The following EFCAB11 variants were observed in gnomAD, a reference collection of about 807,000 sequenced individuals.
The protein encoded by EFCAB11 is EF-hand calcium-binding domain-containing protein 11.
Under a neutral mutation model 23.0 loss-of-function variants are expected in EFCAB11, and 14 were observed. The observed-to-expected ratio is 0.61, with a 90% CI of 0.40 to 0.95. The LOEUF (loss-of-function observed/expected upper bound fraction) is 0.95. EFCAB11 is among the 40% of genes least tolerant of loss of function. The pLI is 0.00. For missense variants in EFCAB11, 198 were observed against 195.8 expected (o/e 1.01, Z -0.07); for synonymous variants, 65 against 66.6 (o/e 0.98, Z 0.11).
At chr14:89,873,254 C>T (rs1888338251) in intron 5 of EFCAB11, among the ~76,000 whole-genome samples, 1 of 152,096 alleles carries the variant, frequency 6.6e-6, no homozygotes, top group African/African-American at 2.4e-5. Flanking sequence ...CATCAGATCT[C>T]GTGAGGCTTA....
intron 5 of EFCAB11, among the ~76,000 whole-genome samples, chr14:89,817,721 C>T (rs1258786048): frequency 1.3e-5 from 2 of 152,072 alleles, no homozygotes; most frequent in Admixed American, 6.6e-5. Flanking sequence ...AGGCCAGGCG[C>T]GGTGGCTCAC....
intron 5 of EFCAB11, among the ~76,000 whole-genome samples, chr14:89,927,700 G>T (rs10148808): frequency 3.3e-5 from 5 of 151,466 alleles, no homozygotes; most frequent in African/African-American, 1.2e-4. Flanking sequence ...TTTCCAGTTC[G>T]CAACTTCCTT....
At position 89,875,706 on chromosome 14, in the gene EFCAB11, T is replaced by C. The variant is rs186159011; in HGVS notation, c.410+55835A>G. Among the ~76,000 whole-genome samples, 9 of 152,212 alleles carry C rather than the reference T, an allele frequency of 5.9e-5. 1 individual carries two copies. The South Asian group carries it at 6.2e-4, about 11-fold the overall frequency. On this transcript the variant is annotated intron_variant, in intron 5 of 5. Coordinates refer to ENST00000316738, the MANE Select transcript of EFCAB11 (RefSeq NM_145231.4). ...GTGGAGTTTGAGGGGTCATTGAGGA[T>C]ACCCAGAGAAAGACGTTCAGTAGGA...
intron 5 of EFCAB11, among the ~76,000 whole-genome samples, chr14:89,825,190 A>T (rs922610515): frequency 6.6e-6 from 1 of 152,204 alleles, no homozygotes; most frequent in African/African-American, 2.4e-5. Flanking sequence ...TAACCAAAAA[A>T]TTGGGAGAAC....
chr14:89,950,721 T>C (rs372561177), intron 2 of EFCAB11, among the ~76,000 whole-genome samples: 2 of 152,282 alleles, frequency 1.3e-5, no homozygotes, highest in East Asian at 3.9e-4. Context: ...TGTTAAAATA[T>C]AAGCCCTTTA....
chr14:89,895,042 A>C (rs533144707), intron 5 of EFCAB11, among the ~76,000 whole-genome samples: 1 of 152,256 alleles, frequency 6.6e-6, no homozygotes, highest in Non-Finnish European at 1.5e-5. Context: ...GAGTTGATTA[A>C]CCTCTCTGTG....
At chr14:89,922,239 G>A (rs1321159960) in intron 5 of EFCAB11, among the ~76,000 whole-genome samples, 1 of 152,192 alleles carries the variant, frequency 6.6e-6, no homozygotes, top group Non-Finnish European at 1.5e-5. Flanking sequence ...CTAAACCCAG[G>A]GTTGGGTAGC....
At chr14:89,810,334 A>G (rs1175062670) in intron 5 of EFCAB11, among the ~76,000 whole-genome samples, 1 of 152,216 alleles carries the variant, frequency 6.6e-6, no homozygotes, top group East Asian at 1.9e-4. Context: ...GAACATTTGG[A>G]TCCTGCTATT....
intron 5 of EFCAB11, among the ~76,000 whole-genome samples, chr14:89,920,434 G>A (rs778212435): frequency 5.9e-5 from 9 of 152,202 alleles, no homozygotes; most frequent in Non-Finnish European, 1.2e-4. Context: ...GTTAAAAGAA[G>A]TGAGAAAGGA....
intron 5 of EFCAB11, among the ~76,000 whole-genome samples, chr14:89,924,839 C>G (rs1890138686): frequency 6.6e-6 from 1 of 152,138 alleles, no homozygotes; most frequent in African/African-American, 2.4e-5. Context: ...ACGAAGAAAA[C>G]AGAATTTTAC....
chr14:89,856,319 A>C (rs1248989365), intron 5 of EFCAB11, among the ~76,000 whole-genome samples: 1 of 151,802 alleles, frequency 6.6e-6, no homozygotes, highest in Non-Finnish European at 1.5e-5. Context: ...CCCCCAAATA[A>C]CTGGGACTAC....
chr14:89,907,770 TCTATTTGTG>T (rs1889543326), intron 5 of EFCAB11, among the ~76,000 whole-genome samples: 1 of 152,148 alleles, frequency 6.6e-6, no homozygotes, highest in Admixed American at 6.5e-5. Context: ...GGTGGCTGTA[TCTATTTGTG>T]TTTCCAATGT....
intron 5 of EFCAB11, among the ~76,000 whole-genome samples, chr14:89,905,077 C>T (rs1373004957): frequency 1.3e-5 from 2 of 152,162 alleles, no homozygotes; most frequent in Admixed American, 6.5e-5. Context: ...AGTCACTTTA[C>T]ACAGGTGCAT....
chr14:89,823,379 C>G (rs962830544), intron 5 of EFCAB11, among the ~76,000 whole-genome samples: 3 of 152,082 alleles, frequency 2.0e-5, no homozygotes, highest in African/African-American at 7.2e-5. Context: ...AGGTAAGAGC[C>G]CATCCCAACC....
chr14:89,839,875 G>C (rs570512538), intron 5 of EFCAB11, among the ~76,000 whole-genome samples: 21 of 152,094 alleles, frequency 1.4e-4, no homozygotes, highest in African/African-American at 4.1e-4. Flanking sequence ...AGTACCAAGG[G>C]GGGATGGTGC....
chr14:89,943,512 G>C (rs1347612613), intron 3 of EFCAB11, among the ~76,000 whole-genome samples: 8 of 152,020 alleles, frequency 5.3e-5, no homozygotes, highest in South Asian at 4.2e-4. Flanking sequence ...AAATTGCATG[G>C]GACTACAGGC....
Position 89,795,031 on chromosome 14 carries a change from G to A in EFCAB11, c.*2212C>T, listed in dbSNP as rs1885531138. The A allele has an allele frequency of 7.7e-6, 1 of 130,710 alleles. No homozygotes were observed. Among genetic ancestry groups the A allele is most frequent in the Non-Finnish European group, 1.5e-5 (1 of 64,856 alleles). 8.1% of individuals were successfully genotyped at this position (130,710 alleles called of 1,614,324 possible). ...CTCGCTCTGTTGCCCAGACTGGAGT[G>A]CAGTGGCACCATTTCAGCTCACTGC... On this transcript the variant is annotated 3_prime_UTR_variant, in exon 6 of 6. Coordinates refer to ENST00000316738, the MANE Select transcript of EFCAB11 (RefSeq NM_145231.4).
At chr14:89,806,752 G>T (rs1386322747) in intron 5 of EFCAB11, among the ~76,000 whole-genome samples, 3 of 152,134 alleles carry the variant, frequency 2.0e-5, no homozygotes, top group African/African-American at 7.2e-5. Flanking sequence ...TGACTTTGAA[G>T]CTCCTCACTT....
Position 89,857,564 on chromosome 14 carries a change from C to A in EFCAB11, c.411-60240G>T, listed in dbSNP as rs1185196084. On this transcript the variant is annotated intron_variant, in intron 5 of 5. Coordinates refer to ENST00000316738, the MANE Select transcript of EFCAB11 (RefSeq NM_145231.4). ...AATCACCAATAAAATGCTGGATGGT[C>A]ATTGGTTCCATTTTTGGAGAAGCTC... Among the ~76,000 whole-genome samples, 13 of 151,982 alleles carry A rather than the reference C, an allele frequency of 8.6e-5. No individual in the cohort carries two copies. The East Asian group carries it at 1.4e-3, about 16-fold the overall frequency.
Sources: allele counts gnomAD v4.1 joint callset (sites outside exome capture counted in the v4.1 genomes callset), GRCh38; gene constraint gnomAD v4.1.1; transcripts MANE v1.5; gene names NCBI Gene and HGNC (gene_info 2026-07-23, HGNC 2026-07-21).